ARAP2: variants seen among roughly 807,000 people sequenced by gnomAD.
ARAP2 encodes the protein ArfGAP with RhoGAP domain, ankyrin repeat and PH domain 2, also known as arf-GAP with Rho-GAP domain, ANK repeat and PH domain-containing protein 2.
A neutral mutation model predicts 194.5 loss-of-function variants in ARAP2; 148 were observed. The ratio of observed to expected loss-of-function variants is 0.76; its 90% confidence interval spans 0.67 to 0.87. ARAP2 has a LOEUF of 0.87. ARAP2 is among the 40% of genes least tolerant of loss of function. ARAP2 has a pLI of 0.00. For synonymous variants in ARAP2, 695 were observed against 683.5 expected (o/e 1.02, Z -0.26); for missense variants, 2,128 against 1,989.7 (o/e 1.07, Z -1.32).
intron 8 of ARAP2, among the ~76,000 whole-genome samples, chr4:36,180,780 T>C (rs945214682): frequency 7.2e-5 from 11 of 152,304 alleles, no homozygotes; most frequent in Admixed American, 2.0e-4. Flanking sequence ...TCTCAACACA[T>C]AGCCTAGAAG....
intron 8 of ARAP2, among the ~76,000 whole-genome samples, chr4:36,179,362 G>A (rs891992434): frequency 3.3e-5 from 5 of 152,262 alleles, no homozygotes; most frequent in African/African-American, 1.2e-4. Flanking sequence ...AGGTAACGTG[G>A]CATCAGAAAT....
chr4:36,151,088 G>C, intron 15 of ARAP2, 44 bp from the exon 16 acceptor site: 1 of 1,526,340 alleles, frequency 6.6e-7, no homozygotes, highest in Non-Finnish European at 8.8e-7. Context: ...AGCTAATCAC[G>C]AATCCAATTT....
chr4:36,220,823 A>G (rs1748980614), intron 2 of ARAP2, among the ~76,000 whole-genome samples: 2 of 152,198 alleles, frequency 1.3e-5, no homozygotes, highest in South Asian at 2.1e-4. Flanking sequence ...AAGCATCATT[A>G]CAAGAGAGTA....
intron 6 of ARAP2, among the ~76,000 whole-genome samples, chr4:36,018,050 T>C (rs1469977133): frequency 1.3e-5 from 2 of 152,212 alleles, no homozygotes; most frequent in African/African-American, 4.8e-5. Flanking sequence ...ATATGAAATG[T>C]ATACAATTTC....
chr4:36,146,665 C>T (rs567725849), intron 19 of ARAP2, among the ~76,000 whole-genome samples: 32 of 152,186 alleles, frequency 2.1e-4, no homozygotes, highest in South Asian at 2.1e-4. Flanking sequence ...CTAGCAAACA[C>T]GGATACTATC....
At chr4:36,055,664 A>G (rs1723379908) in intron 2 of ARAP2, among the ~76,000 whole-genome samples, 1 of 152,084 alleles carries the variant, frequency 6.6e-6, no homozygotes, top group African/African-American at 2.4e-5. Context: ...CCTGGGTTCA[A>G]CTGATTCTCC....
downstream of ARAP2, among the ~76,000 whole-genome samples, chr4:36,062,662 G>GTGTGTT (rs760763090): frequency 3.3e-3 from 477 of 146,354 alleles, 1 homozygote; most frequent in African/African-American, 0.011. Flanking sequence ...GTGTGTGTGT[G>GTGTGTT]TATAAAACAG....
intron 22 of ARAP2, among the ~76,000 whole-genome samples, 181 bp downstream of exon 22, chr4:36,124,681 A>T (rs1204220005): frequency 6.6e-6 from 1 of 151,928 alleles, no homozygotes; most frequent in Non-Finnish European, 1.5e-5. Context: ...AGGACACTGT[A>T]TACAATTATT....
rs975871437 is a variant in ARAP2, at chr4:36,244,379, G to A, written c.-360C>T. The A allele has an allele frequency of 6.6e-6, 1 of 150,738 alleles. No homozygotes were observed. The highest frequency in any genetic ancestry group is 6.6e-5 in the Admixed American group (1 of 15,156). 9.3% of individuals were successfully genotyped at this position (150,738 alleles called of 1,614,324 possible). On this transcript the variant is annotated 5_prime_UTR_variant, in exon 1 of 33. Transcript: ENST00000303965. ...CCGCGCGGGCGGCGCTGTTAGTGGGGCCGGCGTGTCGCGGCCGCCGCACCT... is the reference window on the plus strand; with the variant it reads ...CCGCGCGGGCGGCGCTGTTAGTGGGACCGGCGTGTCGCGGCCGCCGCACCT...
intron 7 of ARAP2, among the ~76,000 whole-genome samples, chr4:36,191,835 T>G (rs1741980753): frequency 6.6e-6 from 1 of 152,118 alleles, no homozygotes; most frequent in South Asian, 2.1e-4. Flanking sequence ...TAGATTTCTT[T>G]GCAGGGGATA....
chr4:36,217,574 T>C (rs1748218905), intron 2 of ARAP2, among the ~76,000 whole-genome samples: 1 of 151,842 alleles, frequency 6.6e-6, no homozygotes, highest in South Asian at 2.1e-4. Context: ...ATAAAAATGA[T>C]TTTAGCAAAC....
chr4:36,142,261 G>C (rs918656233), intron 19 of ARAP2, among the ~76,000 whole-genome samples: 1 of 151,534 alleles, frequency 6.6e-6, no homozygotes, highest in African/African-American at 2.4e-5. Flanking sequence ...TTGCAGTTGA[G>C]GGATCTTGCT....
chr4:36,071,855 C>A, intron 32 of ARAP2, among the ~76,000 whole-genome samples: 1 of 151,644 alleles, frequency 6.6e-6, no homozygotes, highest in Non-Finnish European at 1.5e-5. Flanking sequence ...CCCCGCTCCC[C>A]CCACCCCAAC....
intron 1 of ARAP2, among the ~76,000 whole-genome samples, chr4:36,236,837 G>T (rs1178248158): frequency 6.6e-6 from 1 of 152,136 alleles, no homozygotes; most frequent in Admixed American, 6.5e-5. Context: ...ATGACATTCT[G>T]CAATAGTACC....
chr4:36,028,853 C>A (rs1718417149), intron 5 of ARAP2, among the ~76,000 whole-genome samples: 1 of 150,974 alleles, frequency 6.6e-6, no homozygotes. Flanking sequence ...TTATCTTTTC[C>A]CCTACATTTG....
intron 27 of ARAP2, among the ~76,000 whole-genome samples, chr4:36,103,575 GA>G (rs1717593986): frequency 6.6e-6 from 1 of 151,650 alleles, no homozygotes; most frequent in Non-Finnish European, 1.5e-5. Flanking sequence ...ATATGGAATA[GA>G]AAAAAATTGA....
intron 8 of ARAP2, among the ~76,000 whole-genome samples, chr4:36,181,891 T>A (rs1739359549): frequency 6.6e-6 from 1 of 152,102 alleles, no homozygotes; most frequent in African/African-American, 2.4e-5. Flanking sequence ...CAGGGAGTAT[T>A]ATTTTGTACA....
intron 15 of ARAP2, chr4:36,157,381 C>A (rs369728044): frequency 2.7e-5 from 4 of 149,596 alleles, no homozygotes; most frequent in Non-Finnish European, 4.5e-5. Flanking sequence ...AAATGGAAGA[C>A]AAAAAAAAAA....
At chr4:36,069,663 T>C (rs1447875703) in intron 32 of ARAP2, among the ~76,000 whole-genome samples, 2 of 152,174 alleles carry the variant, frequency 1.3e-5, no homozygotes, top group African/African-American at 4.8e-5. Flanking sequence ...CATAAAAACT[T>C]TGGGACTCTC....
Sources: allele counts gnomAD v4.1 joint callset (sites outside exome capture counted in the v4.1 genomes callset), GRCh38; gene constraint gnomAD v4.1.1; transcripts MANE v1.5; gene names NCBI Gene and HGNC (gene_info 2026-07-23, HGNC 2026-07-21).